Variants in H2AZ1 observed in about 807,000 individuals in gnomAD.
H2AZ1 encodes the protein histone H2A.Z.
H2AZ1 carries 3 observed loss-of-function variants against 16.6 expected under a neutral mutation model. That is an observed-to-expected ratio of 0.18 (90% CI 0.08 to 0.47). The LOEUF (loss-of-function observed/expected upper bound fraction) is 0.47, where lower values mean the gene tolerates loss of function less well. Among genes scored for constraint, H2AZ1 ranks in the 20% least tolerant of loss-of-function variants. The pLI is 0.98. For missense variants in H2AZ1, 27 were observed against 163.6 expected (o/e 0.17, Z 4.55); for synonymous variants, 78 against 60.7 (o/e 1.28, Z -1.32).
At chr4:99,948,782 A>T in intron 4 of H2AZ1, 29 bp downstream of exon 4, 1 of 1,576,050 alleles carries the variant, frequency 6.3e-7, no homozygotes. Flanking sequence ...CTCTGAAGAA[A>T]TTTTTTAAAA....
At position 99,948,447 on chromosome 4, in the gene H2AZ1, G is replaced by A. The variant is rs1231377575; in HGVS notation, c.*15C>T. ...GTATTTAGAGTCCTGAGATAACAAG[G>A]AATCCAGGCATCCTTTAGACAGTCT... On this transcript the variant is annotated 3_prime_UTR_variant, in exon 5 of 5. Transcript: ENST00000296417. 7.4e-7 allele frequency: 1 copy of A among 1,359,990 alleles called. No individual in the cohort carries two copies. Among genetic ancestry groups the A allele is most frequent in the South Asian group, 1.2e-5 (1 of 85,918 alleles). 84.2% of individuals were successfully genotyped at this position (1,359,990 alleles called of 1,614,324 possible).
intron 2 of H2AZ1, 64 bp downstream of exon 2, chr4:99,949,599 A>G (rs774234792): frequency 4.5e-5 from 66 of 1,477,506 alleles, no homozygotes; most frequent in African/African-American, 6.9e-5. Context: ...AGAGCGATGA[A>G]TAACAAAAAA....
chr4:99,950,097 CCTCT>C (rs1295339423), intron 1 of H2AZ1, 67 bp downstream of exon 1: 34 of 1,506,402 alleles, frequency 2.3e-5, no homozygotes, highest in Non-Finnish European at 3.1e-5. Context: ...CACCCCCATC[CCTCT>C]GTGTAACGGG....
intron 2 of H2AZ1, 23 bp from the exon 3 acceptor site, chr4:99,949,409 A>G: frequency 7.2e-7 from 1 of 1,386,754 alleles, no homozygotes; most frequent in South Asian, 1.2e-5. Context: ...GCATACACAA[A>G]CATAAATGCA....
chr4:99,949,218 T>G (rs2276939), intron 3 of H2AZ1, 55 bp downstream of exon 3: 242,064 of 1,069,368 alleles, frequency 0.23, 28,644 homozygotes, highest in African/African-American at 0.3. Context: ...CCTTCCCTCT[T>G]GCCGCCTCCC....
Position 99,948,702 on chromosome 4 carries a change from T to C in H2AZ1, c.325+109A>G, listed in dbSNP as rs1321906672. The C allele has an allele frequency of 4.1e-6, 6 of 1,472,038 alleles. No homozygotes were observed. In the African/African-American group the frequency reaches 5.7e-5, roughly 14 times the overall value. 91.2% of individuals were successfully genotyped at this position (1,472,038 alleles called of 1,614,324 possible). On this transcript the variant is annotated intron_variant, in intron 4 of 4. Coordinates refer to ENST00000296417, the MANE Select transcript of H2AZ1 (RefSeq NM_002106.4). ...TCAAATTTCATGATACAACCATACT[T>C]CCATCATTGAAAATATACTTAAATT...
At chr4:99,949,461 A>G (rs750109970) in intron 2 of H2AZ1, 75 bp from the exon 3 acceptor site, 1 of 1,088,444 alleles carries the variant, frequency 9.2e-7, no homozygotes, top group South Asian at 1.2e-5. Context: ...ATGCGCGCCA[A>G]AGCAAGGGGC....
chr4:99,949,238 A>G (rs376884397), intron 3 of H2AZ1, 35 bp downstream of exon 3: 4 of 1,302,788 alleles, frequency 3.1e-6, no homozygotes, highest in Non-Finnish European at 4.4e-6. Context: ...CCGCCCCCCA[A>G]ACCTTCTCCG....
chr4:99,950,248 T>A lies in H2AZ1; in HGVS notation c.-78A>T, dbSNP rs1578249071. The A allele has an allele frequency of 7.3e-7, 1 of 1,377,960 alleles. No homozygotes were observed. Among genetic ancestry groups the A allele is most frequent in the Non-Finnish European group, 1.0e-6 (1 of 979,084 alleles). The allele number at this position is 1,377,960 out of a possible 1,614,324, so 85.4% of individuals were successfully genotyped here. On this transcript the variant is annotated 5_prime_UTR_variant, in exon 1 of 5. Coordinates refer to ENST00000296417, the MANE Select transcript of H2AZ1 (RefSeq NM_002106.4). ...CCCACGGTGAGATCCCACCACCTACTCCTTCGTCGCACCGCGATTCAAACT... is the reference window on the plus strand; with the variant it reads ...CCCACGGTGAGATCCCACCACCTACACCTTCGTCGCACCGCGATTCAAACT...
rs1239454021 is a variant in H2AZ1, at chr4:99,948,887, G to A, written c.249C>T (p.Thr83=). The A allele has an allele frequency of 8.7e-6, 14 of 1,613,234 alleles. 1 individual carries two copies. The highest frequency in any genetic ancestry group is 4.5e-5 in the East Asian group (2 of 44,886). The change falls in exon 4 of 5, where the codon ACC becomes ACT. Residue 83 remains threonine, a synonymous_variant. Coordinates refer to ENST00000296417, the MANE Select transcript of H2AZ1 (RefSeq NM_002106.4). ...GAATAGCAAGTTGCAAGTGACGAGG[G>A]GTAATACGCTTTACCTTTAAGTCTT... is the stretch of plus-strand genomic sequence containing the variant. The part of the protein sequence containing the change: ...ASKDLKVKRI[T]PRHLQLAIRG...
chr4:99,949,837 A>G (rs1338646790), intron 1 of H2AZ1, 97 bp from the exon 2 acceptor site: 1 of 953,414 alleles, frequency 1.0e-6, no homozygotes, highest in Non-Finnish European at 1.5e-6. Context: ...TCCCGCCGCG[A>G]GCGCGTCCCC....
At chr4:99,949,107 T>G in intron 3 of H2AZ1, 166 bp downstream of exon 3, 1 of 669,770 alleles carries the variant, frequency 1.5e-6, no homozygotes. Flanking sequence ...AGCAGAGAAC[T>G]CAAGCTCAGT....
chr4:99,949,748 G>A lies in H2AZ1; in HGVS notation c.4-8C>T, dbSNP rs759331894. On this transcript the variant is annotated splice_polypyrimidine_tract_variant and splice_region_variant and intron_variant, in intron 1 of 4. Coordinates refer to ENST00000296417, the MANE Select transcript of H2AZ1 (RefSeq NM_002106.4). Reference sequence around the variant, plus strand: ...TCCAGCCTTACCGCCAGCCTGCGGCGCGCACACGCCCGCGAGCGGAGGAGG... The same window carrying A: ...TCCAGCCTTACCGCCAGCCTGCGGCACGCACACGCCCGCGAGCGGAGGAGG... The A allele has an allele frequency of 2.5e-6, 4 of 1,604,936 alleles. No individual in the cohort carries two copies. In the South Asian group the frequency reaches 4.4e-5, roughly 18 times the overall value.
At chr4:99,949,996 G>T (rs1727242357) in intron 1 of H2AZ1, 172 bp downstream of exon 1, 2 of 454,130 alleles carry the variant, frequency 4.4e-6, no homozygotes, top group African/African-American at 2.1e-5. Flanking sequence ...CGCCCGCCGC[G>T]AGATCCGAGG....
In H2AZ1 at chr4:99,949,672, G is replaced by C; in HGVS notation, c.72C>G (p.Ala24=). The part of the protein sequence containing the change: ...KTKAVSRSQR[A]GLQFPVGRIH... ...ACGAACAACTACTGACCTGCAAGCC[G>C]GCTCTCTGCGAGCGGGAAACCGCCT... The change falls in exon 2 of 5, where the codon GCC becomes GCG. Residue 24 remains alanine (A), a synonymous_variant. Transcript: ENST00000296417. The C allele has an allele frequency of 6.2e-7, 1 of 1,613,778 alleles. No individual in the cohort carries two copies. Among genetic ancestry groups the C allele is most frequent in the Non-Finnish European group, 8.5e-7 (1 of 1,179,694 alleles).
intron 1 of H2AZ1, 162 bp downstream of exon 1, chr4:99,950,006 G>A: frequency 1.7e-6 from 1 of 587,474 alleles, no homozygotes; most frequent in African/African-American, 1.9e-5. Context: ...GAGATCCGAG[G>A]CTGCTCCGCT....
rs962349128 is a variant in H2AZ1, at chr4:99,949,573, C to A, written c.81+90G>T. Reference sequence around the variant, plus strand: ...CGCGACACCGCATCACCCACGCATACACAAAACGCCCATCGAGAGCGATGA... The same window carrying A: ...CGCGACACCGCATCACCCACGCATAAACAAAACGCCCATCGAGAGCGATGA... On this transcript the variant is annotated intron_variant, in intron 2 of 4. Transcript: ENST00000296417. 6 of 1,280,282 alleles carry A rather than the reference C, an allele frequency of 4.7e-6. No individual in the cohort carries two copies. The African/African-American group carries it at 5.8e-5, about 12-fold the overall frequency. 79.3% of individuals were successfully genotyped at this position (1,280,282 alleles called of 1,614,324 possible).
rs770867852 is a variant in H2AZ1 at position 99,949,744 on chromosome 4, C to G, written c.4-4G>C. On this transcript the variant is annotated splice_polypyrimidine_tract_variant and splice_region_variant and intron_variant, in intron 1 of 4. Coordinates refer to ENST00000296417, the MANE Select transcript of H2AZ1 (RefSeq NM_002106.4). ...CCTTTCCAGCCTTACCGCCAGCCTG[C>G]GGCGCGCACACGCCCGCGAGCGGAG... 1.9e-6 allele frequency: 3 copies of G among 1,605,686 alleles called. No homozygotes were observed. The East Asian group carries it at 6.7e-5, about 36-fold the overall frequency.
chr4:99,949,877 G>C (rs915199169), intron 1 of H2AZ1, 137 bp from the exon 2 acceptor site: 25 of 311,878 alleles, frequency 8.0e-5, no homozygotes, highest in Middle Eastern at 1.3e-3. Flanking sequence ...GGCCCGCGGC[G>C]CGCCGCAGGG....
Sources: allele counts gnomAD v4.1 joint callset, GRCh38; gene constraint gnomAD v4.1.1; transcripts MANE v1.5; gene names NCBI Gene and HGNC (gene_info 2026-07-23, HGNC 2026-07-21).